CAMK1D: variants seen among roughly 807,000 people sequenced by gnomAD.
CAMK1D encodes the protein calcium/calmodulin dependent protein kinase ID, also known as calcium/calmodulin-dependent protein kinase type 1D.
A neutral mutation model predicts 47.7 loss-of-function variants in CAMK1D; 9 were observed. The observed-to-expected ratio is 0.19, with a 90% CI of 0.11 to 0.33. The LOEUF (loss-of-function observed/expected upper bound fraction) is 0.33. CAMK1D is among the 10% of genes least tolerant of loss of function. CAMK1D has a pLI of 1.00. For synonymous variants in CAMK1D, 184 were observed against 184.9 expected (o/e 0.99, Z 0.04); for missense variants, 291 against 488.7 (o/e 0.60, Z 3.81).
At position 12,659,730 on chromosome 10, in the gene CAMK1D, T is replaced by C. The variant is rs150296276; in HGVS notation, c.225-7006T>C. On this transcript the variant is annotated intron_variant, in intron 2 of 10. Coordinates refer to ENST00000619168, the MANE Select transcript of CAMK1D (RefSeq NM_153498.4). ...CATCACAATATTCTTCAAGTACTTTTGAGGCAATTCCATGCCAGGGAACCA... is the reference window on the plus strand; with the variant it reads ...CATCACAATATTCTTCAAGTACTTTCGAGGCAATTCCATGCCAGGGAACCA... 8.5e-3 allele frequency among the ~76,000 whole-genome samples: 1,292 copies of C among 152,306 alleles called. 16 individuals carry two copies. Among genetic ancestry groups the C allele is most frequent in the African/African-American group, 0.029 (1,189 of 41,570 alleles).
intron 3 of CAMK1D, among the ~76,000 whole-genome samples, chr10:12,748,971 T>C (rs1835804085): frequency 6.6e-6 from 1 of 152,212 alleles, no homozygotes; most frequent in Admixed American, 6.5e-5. Context: ...CTGTGACTTG[T>C]TTCTCTGTTC....
At chr10:12,357,404 C>T (rs1236728203) in intron 1 of CAMK1D, among the ~76,000 whole-genome samples, 1 of 152,116 alleles carries the variant, frequency 6.6e-6, no homozygotes, top group East Asian at 1.9e-4. Flanking sequence ...CAACCTCCGC[C>T]TCCCGGGTTC....
intron 6 of CAMK1D, among the ~76,000 whole-genome samples, chr10:12,793,434 T>G (rs1838067591): frequency 6.6e-6 from 1 of 152,226 alleles, no homozygotes; most frequent in African/African-American, 2.4e-5. Context: ...TGCCAGATGT[T>G]TCTTAGAATG....
intron 1 of CAMK1D, among the ~76,000 whole-genome samples, chr10:12,353,963 A>G (rs1837422520): frequency 6.6e-6 from 1 of 152,148 alleles, no homozygotes; most frequent in Non-Finnish European, 1.5e-5. Context: ...TATTCGGAGA[A>G]GTATATGGAT....
At chr10:12,625,888 G>A (rs149489241) in intron 2 of CAMK1D, among the ~76,000 whole-genome samples, 308 of 152,264 alleles carry the variant, frequency 2.0e-3, no homozygotes, top group African/African-American at 7.3e-3. Flanking sequence ...CCATGCACTT[G>A]TATAATATTA....
intron 1 of CAMK1D, among the ~76,000 whole-genome samples, chr10:12,424,289 C>T (rs961490110): frequency 3.9e-5 from 6 of 152,116 alleles, no homozygotes; most frequent in Admixed American, 1.3e-4. Context: ...TCTCTAGCTC[C>T]GTGTGGCCTG....
At chr10:12,751,101 GATAAGATAAGATAAGATAAGATA>G (rs1835948269) in intron 3 of CAMK1D, among the ~76,000 whole-genome samples, 2 of 90,032 alleles carry the variant, frequency 2.2e-5, no homozygotes, top group Admixed American at 1.0e-4. Flanking sequence ...GATAAGATAA[GATAAGATAAGATAAGATAAGATA>G]AGAAGGCTTC....
chr10:12,769,693 C>T lies in CAMK1D; in HGVS notation c.459C>T (p.Tyr153=), dbSNP rs781348493. The change falls in exon 5 of 11, where the codon TAC becomes TAT. Residue 153 remains tyrosine, a synonymous_variant. Transcript: ENST00000619168. The part of the protein sequence containing the change: ...RDLKPENLLY[Y]SQDEESKIMI... ...TCTAGCCCGAAAATCTCTTGTACTACAGTCAAGATGAGGAGTCCAAAATAA... is the reference window on the plus strand; with the variant it reads ...TCTAGCCCGAAAATCTCTTGTACTATAGTCAAGATGAGGAGTCCAAAATAA... 16 of 1,613,976 alleles carry T rather than the reference C, an allele frequency of 9.9e-6. No homozygotes were observed. The African/African-American group carries it at 1.9e-4, about 19-fold the overall frequency.
In CAMK1D at chr10:12,537,625, G is replaced by A. The variant is rs568223401; in HGVS notation, c.93-15600G>A. On this transcript the variant is annotated intron_variant, in intron 1 of 10. Transcript: ENST00000619168. The stretch of plus-strand genomic sequence containing the variant: ...GAATTGTATGTCTGTATCCTTCCCC[G>A]CATCTGCAGGCCCGGACTGTCTCTG... Among the ~76,000 whole-genome samples the A allele has an allele frequency of 5.9e-5, 9 of 152,206 alleles. No individual in the cohort carries two copies. In the South Asian group the frequency reaches 6.2e-4, roughly 11 times the overall value.
At chr10:12,675,676 TGTTA>T (rs1055507401) in intron 3 of CAMK1D, among the ~76,000 whole-genome samples, 25 of 152,358 alleles carry the variant, frequency 1.6e-4, no homozygotes, top group Admixed American at 1.4e-3. Context: ...TTTTTTAGTG[TGTTA>T]GTCAGATCTT....
chr10:12,797,080 G>T (rs1222980153), intron 6 of CAMK1D, among the ~76,000 whole-genome samples: 1 of 152,200 alleles, frequency 6.6e-6, no homozygotes, highest in Admixed American at 6.5e-5. Flanking sequence ...AGTGGAGGCG[G>T]GTGGCCTTAG....
At chr10:12,403,652 G>C (rs1343838287) in intron 1 of CAMK1D, among the ~76,000 whole-genome samples, 3 of 152,016 alleles carry the variant, frequency 2.0e-5, no homozygotes. Context: ...GCAGAGAATG[G>C]GGATAGAAAC....
chr10:12,634,804 G>A lies in CAMK1D; in HGVS notation c.225-31932G>A, dbSNP rs957749926. 4.6e-5 allele frequency among the ~76,000 whole-genome samples: 7 copies of A among 152,164 alleles called. No individual in the cohort carries two copies. The South Asian group carries it at 6.2e-4, about 14-fold the overall frequency. ...CTCTGCCGCTGGGAGGCAACATCTC[G>A]GGGTTCTCCAAGGGGAGGTCTCACC... On this transcript the variant is annotated intron_variant, in intron 2 of 10. Coordinates refer to ENST00000619168, the MANE Select transcript of CAMK1D (RefSeq NM_153498.4).
intron 1 of CAMK1D, among the ~76,000 whole-genome samples, chr10:12,547,620 T>C (rs993663873): frequency 6.7e-6 from 1 of 149,062 alleles, no homozygotes; most frequent in African/African-American, 2.5e-5. Flanking sequence ...CTTGCTTTAG[T>C]GTTTCCTGTC....
intron 1 of CAMK1D, among the ~76,000 whole-genome samples, chr10:12,550,710 G>T (rs74116981): frequency 0.036 from 5,508 of 152,192 alleles, 335 homozygotes; most frequent in African/African-American, 0.13. Context: ...AGAATCCTAT[G>T]GGTGAATAAT....
chr10:12,662,342 A>G (rs1011243060), intron 2 of CAMK1D, among the ~76,000 whole-genome samples: 42 of 152,342 alleles, frequency 2.8e-4, no homozygotes, highest in Middle Eastern at 6.8e-3. Flanking sequence ...AGCTCTCACA[A>G]TATCAACCCG....
chr10:12,758,190 G>GA (rs745651587), intron 3 of CAMK1D, among the ~76,000 whole-genome samples: 3 of 151,866 alleles, frequency 2.0e-5, no homozygotes, highest in Non-Finnish European at 4.4e-5. Flanking sequence ...ACCTCCCAAA[G>GA]ACCCCACCTC....
intron 2 of CAMK1D, among the ~76,000 whole-genome samples, chr10:12,642,782 A>G (rs1349361862): frequency 6.6e-6 from 1 of 152,140 alleles, no homozygotes; most frequent in Non-Finnish European, 1.5e-5. Context: ...ACAGTGTAGA[A>G]GAATGTTCTA....
chr10:12,553,459 C>A, intron 2 of CAMK1D, 103 bp downstream of exon 2: 2 of 867,668 alleles, frequency 2.3e-6, no homozygotes, highest in Non-Finnish European at 3.8e-6. Flanking sequence ...GCAGAGGGGC[C>A]CCCAGAGGAC....
Sources: allele counts gnomAD v4.1 joint callset (sites outside exome capture counted in the v4.1 genomes callset), GRCh38; gene constraint gnomAD v4.1.1; transcripts MANE v1.5; gene names NCBI Gene and HGNC (gene_info 2026-07-23, HGNC 2026-07-21).